Variants in DAPK2 observed in about 807,000 individuals in gnomAD.
DAPK2 encodes death-associated protein kinase 2.
In DAPK2, 35 loss-of-function variants were observed where a neutral mutation model predicts 44.1. The ratio of observed to expected loss-of-function variants is 0.79; its 90% CI spans 0.61 to 1.05. The LOEUF (loss-of-function observed/expected upper bound fraction) is 1.05, where lower values mean the gene tolerates loss of function less well. Ranked by LOEUF, DAPK2 falls within the 50% of genes least tolerant of loss-of-function variation. The pLI, the probability that DAPK2 is intolerant of heterozygous loss-of-function variation, is 0.00. For missense variants in DAPK2, 453 were observed against 483.2 expected (o/e 0.94, Z 0.59); for synonymous variants, 174 against 182.6 (o/e 0.95, Z 0.38).
intron 1 of DAPK2, among the ~76,000 whole-genome samples, chr15:63,984,884 T>G (rs2078627261): frequency 6.6e-6 from 1 of 152,136 alleles, no homozygotes; most frequent in Non-Finnish European, 1.5e-5. Flanking sequence ...ACTCCATCAT[T>G]AGCATCATCC....
chr15:64,023,205 C>A (rs2079742309), intron 1 of DAPK2, among the ~76,000 whole-genome samples: 1 of 152,276 alleles, frequency 6.6e-6, no homozygotes, highest in African/African-American at 2.4e-5. Flanking sequence ...GCTGTGGGAA[C>A]ACAGAACAGG....
chr15:63,933,840 C>T (rs960992770), intron 4 of DAPK2, among the ~76,000 whole-genome samples: 5 of 150,848 alleles, frequency 3.3e-5, no homozygotes, highest in Non-Finnish European at 5.9e-5. Flanking sequence ...CTCAAGCCTC[C>T]GGCCTCAGCC....
chr15:63,962,864 A>G (rs1261163605), intron 3 of DAPK2, among the ~76,000 whole-genome samples: 1 of 151,970 alleles, frequency 6.6e-6, no homozygotes, highest in Admixed American at 6.6e-5. Context: ...GAGAACCACT[A>G]CTCTCTTTAA....
At chr15:63,968,653 C>T (rs893726563) in intron 3 of DAPK2, among the ~76,000 whole-genome samples, 1 of 152,218 alleles carries the variant, frequency 6.6e-6, no homozygotes, top group Non-Finnish European at 1.5e-5. Context: ...GCACTTAATG[C>T]TTCTCTCTAA....
chr15:63,928,763 C>T (rs927936103), intron 6 of DAPK2, among the ~76,000 whole-genome samples: 1 of 151,960 alleles, frequency 6.6e-6, no homozygotes, highest in African/African-American at 2.4e-5. Context: ...GTCTAAGCAA[C>T]TGAGTACTTC....
At chr15:63,913,304 T>C (rs1358535803) in intron 8 of DAPK2, among the ~76,000 whole-genome samples, 13 of 152,232 alleles carry the variant, frequency 8.5e-5, no homozygotes, top group Admixed American at 8.5e-4. Flanking sequence ...CTTGTGAGTA[T>C]ACTAAAAACC....
At chr15:63,938,025 A>T (rs1031627501) in intron 4 of DAPK2, among the ~76,000 whole-genome samples, 2 of 152,104 alleles carry the variant, frequency 1.3e-5, no homozygotes, top group African/African-American at 4.8e-5. Flanking sequence ...AAATAACCTG[A>T]GTTTACCTTA....
chr15:64,002,946 G>GTGTGTGTGTCGTGGGACC (rs2140975458), intron 1 of DAPK2, among the ~76,000 whole-genome samples: 2 of 133,870 alleles, frequency 1.5e-5, no homozygotes, highest in Non-Finnish European at 3.2e-5. Context: ...GTGTGTGTGT[G>GTGTGTGTGTCGTGGGACC]TGTGTGTGTG....
At chr15:63,989,794 C>A (rs547033988) in intron 1 of DAPK2, among the ~76,000 whole-genome samples, 2 of 152,188 alleles carry the variant, frequency 1.3e-5, no homozygotes, top group Admixed American at 1.3e-4. Flanking sequence ...TGAATTCAAG[C>A]AATTCTCCTG....
chr15:63,940,346 G>C (rs962110755), intron 3 of DAPK2, among the ~76,000 whole-genome samples: 1 of 151,926 alleles, frequency 6.6e-6, no homozygotes, highest in African/African-American at 2.4e-5. Flanking sequence ...AACACCCATA[G>C]CACATCTAGT....
chr15:63,963,252 G>A (rs756059063), intron 3 of DAPK2, among the ~76,000 whole-genome samples: 3 of 151,890 alleles, frequency 2.0e-5, no homozygotes, highest in Non-Finnish European at 2.9e-5. Context: ...CATCTGTCAC[G>A]GCTTCCCTTT....
At chr15:64,022,824 C>T (rs1363997423) in intron 1 of DAPK2, among the ~76,000 whole-genome samples, 1 of 152,112 alleles carries the variant, frequency 6.6e-6, no homozygotes, top group Non-Finnish European at 1.5e-5. Flanking sequence ...GTGAAGAATA[C>T]TTGTGTGTGT....
At chr15:63,924,678 G>T in intron 8 of DAPK2, 138 bp downstream of exon 9, 1 of 916,312 alleles carries the variant, frequency 1.1e-6, no homozygotes, top group Non-Finnish European at 1.7e-6. Flanking sequence ...GGGGCCCCTG[G>T]CTAGCTTTCA....
chr15:64,004,762 T>C (rs2079182867), intron 1 of DAPK2, among the ~76,000 whole-genome samples: 1 of 152,168 alleles, frequency 6.6e-6, no homozygotes, highest in African/African-American at 2.4e-5. Context: ...ACTAAGCACG[T>C]GCAGCACCGC....
rs1053986089 is a variant in DAPK2, at chr15:64,046,319, G to C, written c.-28C>G. 4 of 958,854 alleles carry C rather than the reference G, an allele frequency of 4.2e-6. No individual in the cohort carries two copies. The highest frequency in any genetic ancestry group is 3.8e-5 in the African/African-American group (2 of 52,870). 59.4% of individuals were successfully genotyped at this position (958,854 alleles called of 1,614,324 possible). A position where few individuals can be genotyped will look rare whatever the true frequency, so the allele number is the denominator to read the frequency against. ...TCACGGCGGGAGGCTGAGCTGCCGCGGTCGCGGCCGCGGCAGGCGCGGCGG... is the reference window on the plus strand; with the variant it reads ...TCACGGCGGGAGGCTGAGCTGCCGCCGTCGCGGCCGCGGCAGGCGCGGCGG... On this transcript the variant is annotated 5_prime_UTR_variant, in exon 1 of 12. Transcript: ENST00000457488. The surrounding 1 kb of genome is among the most constrained non-coding windows in gnomAD (Gnocchi z 5.3).
At chr15:63,929,625 C>T (rs372716215) in intron 5 of DAPK2, 48 bp from the exon 7 acceptor site, 23 of 1,612,324 alleles carry the variant, frequency 1.4e-5, no homozygotes, top group African/African-American at 4.0e-5. Flanking sequence ...GTCCCATCCC[C>T]GACCAGCAAG....
chr15:63,994,826 G>A (rs901288128), intron 1 of DAPK2, among the ~76,000 whole-genome samples: 4 of 151,924 alleles, frequency 2.6e-5, no homozygotes, highest in African/African-American at 9.7e-5. Context: ...CTGATCTCAG[G>A]TGATCCGCCC....
At chr15:63,937,014 G>C (rs571930057) in intron 4 of DAPK2, among the ~76,000 whole-genome samples, 40 of 151,084 alleles carry the variant, frequency 2.6e-4, no homozygotes, top group African/African-American at 9.2e-4. Flanking sequence ...AATTTTGTAG[G>C]AGGAGGGCTT....
rs1441694358 is a variant in DAPK2, at chr15:63,929,544, T to C, written c.659+7A>G. 7.4e-6 allele frequency: 12 copies of C among 1,614,048 alleles called. No homozygotes were observed. The highest frequency in any genetic ancestry group is 8.5e-6 in the Non-Finnish European group (10 of 1,180,010). The stretch of plus-strand genomic sequence containing the variant: ...TGAGCCAGAGCCCCTGGATCAGGGA[T>C]ACTCACAGGATGTAGGTGATGACGC... On this transcript the variant is annotated splice_region_variant and intron_variant, in intron 6 of 10. Transcript: ENST00000261891.
Sources: gnomAD v4.1 joint callset for allele counts (sites outside exome capture counted in the v4.1 genomes callset) on GRCh38, gnomAD v4.1.1 for gene constraint, Gnocchi (gnomAD v3.1) non-coding constraint, MANE v1.5 for transcripts, NCBI Gene and HGNC (gene_info 2026-07-23, HGNC 2026-07-21) for gene names.